ARPC2: variants seen among roughly 807,000 people sequenced by gnomAD.
The protein encoded by ARPC2 is actin-related protein 2/3 complex subunit 2.
A neutral mutation model predicts 38.6 loss-of-function variants in ARPC2; 4 were observed. That is an observed-to-expected ratio of 0.10 (90% CI 0.05 to 0.24). ARPC2 has a LOEUF of 0.24. Among genes scored for constraint, ARPC2 ranks in the 10% least tolerant of loss-of-function variants. The pLI is 1.00. For missense variants in ARPC2, 229 were observed against 387.3 expected (o/e 0.59, Z 3.43); for synonymous variants, 125 against 140.8 (o/e 0.89, Z 0.79).
chr2:218,233,506 G>T (rs1689691441), intron 4 of ARPC2: 1 of 151,862 alleles, frequency 6.6e-6, no homozygotes, highest in African/African-American at 2.4e-5. Context: ...GTAGGTTCTG[G>T]TTTGGGGGGA....
rs756440702 is a variant in ARPC2 at position 218,217,456 on chromosome 2, G to A, written c.-8-7G>A. 3.1e-6 allele frequency: 5 copies of A among 1,613,738 alleles called. No individual in the cohort carries two copies. The South Asian group carries it at 5.5e-5, about 18-fold the overall frequency. ...CCGGCCCTTGTTTCTCCTTCCCCTG[G>A]GGGCAGCCGCCGCCATGATCCTGCT... On this transcript the variant is annotated splice_polypyrimidine_tract_variant and splice_region_variant and intron_variant, in intron 1 of 10. Transcript: ENST00000315717.
rs1318148494 is a variant in ARPC2 at position 218,251,155 on chromosome 2, G to GCACC, written c.878+1235_878+1236insACCC. On this transcript the variant is annotated intron_variant, in intron 10 of 10. Transcript: ENST00000315717. The stretch of plus-strand genomic sequence containing the variant: ...CTTGAGGTCATAAGCCTCCCTCACA[G>GCACC]CCAGTGTTATTTGCCAGCACCCCAG... Among the ~76,000 whole-genome samples, 102 of 152,160 alleles carry GCACC rather than the reference G, an allele frequency of 6.7e-4. 2 individuals are homozygous for GCACC. The South Asian group carries it at 0.02, about 30-fold the overall frequency.
chr2:218,228,025 A>C (rs891314490), intron 3 of ARPC2, among the ~76,000 whole-genome samples: 1 of 152,206 alleles, frequency 6.6e-6, no homozygotes, highest in African/African-American at 2.4e-5. Context: ...TTTATGGATG[A>C]AATTATGTGT....
chr2:218,220,064 G>A (rs77680016), intron 2 of ARPC2, among the ~76,000 whole-genome samples: 78 of 152,192 alleles, frequency 5.1e-4, no homozygotes, highest in African/African-American at 1.8e-3. Context: ...GGCAGCAACA[G>A]AAAAAAAGGG....
At chr2:218,237,577 G>GT (rs1166172969) in intron 5 of ARPC2, among the ~76,000 whole-genome samples, 2 of 143,924 alleles carry the variant, frequency 1.4e-5, no homozygotes, top group Non-Finnish European at 1.5e-5. Context: ...AATTTTTTTT[G>GT]TTTTTGTTTT....
At chr2:218,220,597 C>T (rs1306898993) in intron 2 of ARPC2, among the ~76,000 whole-genome samples, 7 of 151,294 alleles carry the variant, frequency 4.6e-5, no homozygotes, top group Non-Finnish European at 8.8e-5. Flanking sequence ...ATTAATTTTC[C>T]ATTTGAAGTT....
intron 4 of ARPC2, among the ~76,000 whole-genome samples, chr2:218,232,574 G>A (rs1214225807): frequency 6.5e-5 from 7 of 107,624 alleles, no homozygotes; most frequent in Middle Eastern, 6.0e-3. Flanking sequence ...TTTTTTTTGA[G>A]ACGGAGTCTT....
intron 7 of ARPC2, among the ~76,000 whole-genome samples, chr2:218,244,837 C>T (rs953352043): frequency 1.3e-5 from 2 of 152,206 alleles, no homozygotes; most frequent in African/African-American, 4.8e-5. Flanking sequence ...ACTGGCATTG[C>T]TAGAAAATCT....
chr2:218,243,962 A>C (rs944504026), intron 7 of ARPC2, among the ~76,000 whole-genome samples: 1 of 152,262 alleles, frequency 6.6e-6, no homozygotes, highest in South Asian at 2.1e-4. Context: ...CAGACACAAG[A>C]AAATGCCAAC....
chr2:218,244,130 CTCCTT>C (rs1160471161), intron 7 of ARPC2, among the ~76,000 whole-genome samples: 6 of 152,234 alleles, frequency 3.9e-5, no homozygotes, highest in Admixed American at 3.9e-4. Context: ...ATAATCTTGA[CTCCTT>C]CCCTTCCTTT....
intron 5 of ARPC2, among the ~76,000 whole-genome samples, chr2:218,237,764 G>A (rs1349876638): frequency 1.3e-5 from 2 of 150,956 alleles, no homozygotes; most frequent in Non-Finnish European, 3.0e-5. Flanking sequence ...ACAGGGTTTT[G>A]CCATGTTGGC....
intron 8 of ARPC2, among the ~76,000 whole-genome samples, chr2:218,247,565 A>G (rs1011961666): frequency 1.3e-5 from 2 of 152,076 alleles, no homozygotes; most frequent in African/African-American, 4.8e-5. Flanking sequence ...CCAGGCTCAA[A>G]CAATTCTCGT....
intron 9 of ARPC2, 83 bp from the exon 10 acceptor site, chr2:218,249,738 T>G: frequency 7.3e-7 from 1 of 1,373,764 alleles, no homozygotes; most frequent in East Asian, 2.4e-5. Flanking sequence ...CCAACCGCCC[T>G]TGATGACCTC....
chr2:218,239,361 A>G (rs750813171), intron 6 of ARPC2, 30 bp from the exon 7 acceptor site: 33 of 1,511,702 alleles, frequency 2.2e-5, no homozygotes, highest in Non-Finnish European at 2.7e-5. Flanking sequence ...CTGATTCTGT[A>G]CTTATCCTCA....
intron 5 of ARPC2, 39 bp from the exon 6 acceptor site, chr2:218,238,625 T>C (rs1214798415): frequency 7.5e-6 from 7 of 932,870 alleles, no homozygotes; most frequent in Non-Finnish European, 1.1e-5. Context: ...ATGTAACTGC[T>C]GGGTTGTTTT....
chr2:218,224,104 T>G (rs1174156017), intron 2 of ARPC2, among the ~76,000 whole-genome samples: 1 of 152,218 alleles, frequency 6.6e-6, no homozygotes, highest in Non-Finnish European at 1.5e-5. Flanking sequence ...TGACAAATAT[T>G]GCTAAGTCAG....
At chr2:218,224,173 A>G (rs994599117) in intron 2 of ARPC2, among the ~76,000 whole-genome samples, 8 of 152,230 alleles carry the variant, frequency 5.3e-5, no homozygotes, top group African/African-American at 1.2e-4. Context: ...TGTGCTCAGG[A>G]TACTTTATGC....
chr2:218,231,642 A>G (rs960499684), intron 4 of ARPC2, among the ~76,000 whole-genome samples: 3 of 152,146 alleles, frequency 2.0e-5, no homozygotes, highest in Admixed American at 1.3e-4. Context: ...CCTCCTCTCA[A>G]TTCCTCTTCG....
intron 5 of ARPC2, chr2:218,236,442 G>A (rs1689770894): frequency 6.6e-6 from 1 of 152,066 alleles, no homozygotes; most frequent in Admixed American, 6.5e-5. Flanking sequence ...AATGTGCTAA[G>A]CATTATCTAG....
Sources: gnomAD v4.1 joint callset for allele counts (sites outside exome capture counted in the v4.1 genomes callset) on GRCh38, gnomAD v4.1.1 for gene constraint, MANE v1.5 for transcripts, NCBI Gene and HGNC (gene_info 2026-07-23, HGNC 2026-07-21) for gene names.